The following PLXNB2 variants were observed in gnomAD, a reference collection of about 807,000 sequenced individuals.
PLXNB2 encodes plexin B2, also known as plexin-B2.
A neutral mutation model predicts 202.6 loss-of-function variants in PLXNB2; 85 were observed. The ratio of observed to expected loss-of-function variants is 0.42; its 90% CI spans 0.35 to 0.50. The LOEUF (loss-of-function observed/expected upper bound fraction) is 0.50. Among genes scored for constraint, PLXNB2 ranks in the 20% least tolerant of loss-of-function variants. PLXNB2 has a pLI of 0.02. For synonymous variants in PLXNB2, 1,239 were observed against 1,137.6 expected, an observed-to-expected ratio of 1.09 and a Z score of -1.79; for missense variants, 2,063 against 2,586.2, an observed-to-expected ratio of 0.80 and a Z score of 4.39.
chr22:50,302,536 C>A (rs1023241190), intron 1 of PLXNB2, among the ~76,000 whole-genome samples: 1 of 152,132 alleles, frequency 6.6e-6, no homozygotes, highest in Non-Finnish European at 1.5e-5. Flanking sequence ...GACCCTCCAG[C>A]GAGCTTTGCT....
chr22:50,280,104 C>A (rs1345695274), intron 25 of PLXNB2, 33 bp from the exon 26 acceptor site: 2 of 1,537,850 alleles, frequency 1.3e-6, no homozygotes, highest in Non-Finnish European at 8.8e-7. Flanking sequence ...TACCGAGTGA[C>A]CCCGTAGTAT....
At chr22:50,296,218 A>ACC (rs2067253616) in intron 1 of PLXNB2, among the ~76,000 whole-genome samples, 1 of 148,136 alleles carries the variant, frequency 6.8e-6, no homozygotes, top group African/African-American at 2.6e-5. Flanking sequence ...ACACACACAC[A>ACC]CACACACACA....
intron 35 of PLXNB2, 118 bp downstream of exon 35, chr22:50,276,511 C>T: frequency 2.2e-6 from 2 of 897,972 alleles, no homozygotes; most frequent in South Asian, 2.8e-5. Context: ...CGAGGTCCCG[C>T]CCCACCCTCT....
intron 15 of PLXNB2, 73 bp downstream of exon 15, chr22:50,283,529 C>A (rs895118537): frequency 2.6e-6 from 4 of 1,566,388 alleles, no homozygotes; most frequent in Non-Finnish European, 3.5e-6. Context: ...CCTCCCCACC[C>A]ACCCAGTCAC....
In PLXNB2 at chr22:50,281,956, C is replaced by A; in HGVS notation, c.3243G>T (p.Leu1081=). The A allele has an allele frequency of 6.2e-7, 1 of 1,613,104 alleles. No individual in the cohort carries two copies. Among genetic ancestry groups the A allele is most frequent in the Non-Finnish European group, 8.5e-7 (1 of 1,179,978 alleles). The part of the protein sequence containing the change: ...VLIEMDGHRA[L]LRTEAGAFEY... The stretch of plus-strand genomic sequence containing the variant: ...CGAAGGCCCCGGCCTCTGTTCTGAG[C>A]AGGGCACGGTGCCCGTCCATCTCGA... Residue 1081 remains leucine, a synonymous_variant, in exon 20 of 37, where the codon CTG becomes CTT. Coordinates refer to ENST00000359337, the MANE Select transcript of PLXNB2 (RefSeq NM_012401.4).
intron 2 of PLXNB2, among the ~76,000 whole-genome samples, 161 bp from the exon 3 acceptor site, chr22:50,290,758 G>A (rs1433359619): frequency 2.0e-5 from 3 of 152,142 alleles, no homozygotes; most frequent in Non-Finnish European, 4.4e-5. Flanking sequence ...TCACACCCCC[G>A]CCATCCTCGA....
At position 50,283,109 on chromosome 22, in the gene PLXNB2, G is replaced by C. The variant is rs2066138586; in HGVS notation, c.2757C>G (p.His919Gln). 2 of 1,604,358 alleles carry C rather than the reference G, an allele frequency of 1.2e-6. No homozygotes were observed. The highest frequency in any genetic ancestry group is 1.7e-6 in the Non-Finnish European group (2 of 1,176,298). Residue 919 changes from histidine (H) to glutamine (Q), a missense_variant, in exon 17 of 37, where the codon CAC becomes CAG. This residue lies in a region of PLXNB2 where 1,303 missense variants were observed against 1,476.8 expected (regional missense o/e 0.88). Coordinates refer to ENST00000359337, the MANE Select transcript of PLXNB2 (RefSeq NM_012401.4). ...CGTCCTCCTGGGAGCCCGTGTCCAG[G>C]TGGGTGCCGTGGATGGTCAGTGTGG... ...GGTTLTIHGTHLDTGSQEDVR... is the reference protein window; with the variant it reads ...GGTTLTIHGTQLDTGSQEDVR...
At position 50,281,805 on chromosome 22, in the gene PLXNB2, A is replaced by C. The variant is rs1029264902; in HGVS notation, c.3345+49T>G. The C allele has an allele frequency of 1.0e-5, 16 of 1,581,718 alleles. No homozygotes were observed. The Middle Eastern group carries it at 6.7e-4, about 67-fold the overall frequency. ...ACCAGGGACAGGTGGACCAGCTCTC[A>C]GCCCAGACCCGAGCAGGACCCAGAC... On this transcript the variant is annotated intron_variant, in intron 20 of 36. Transcript: ENST00000359337.
In PLXNB2 at chr22:50,284,626, T is replaced by G; in HGVS notation, c.2128A>C (p.Met710Leu). 1 of 1,611,848 alleles carries G rather than the reference T, an allele frequency of 6.2e-7. No homozygotes were observed. Among genetic ancestry groups the G allele is most frequent in the East Asian group, 2.2e-5 (1 of 44,708 alleles). ...GATTCCTGCATGGTCACCGGCTCCATGAACTTGAGCAAGTCACTGCCCACG... is the reference window on the plus strand; with the variant it reads ...GATTCCTGCATGGTCACCGGCTCCAGGAACTTGAGCAAGTCACTGCCCACG... Reference protein sequence around the residue: ...LHVGSDLLKFMEPVTMQESGT... With the variant: ...LHVGSDLLKFLEPVTMQESGT... The change falls in exon 12 of 37, where the codon ATG (methionine) becomes CTG (leucine). Residue 710 changes from methionine to leucine, a missense_variant. Transcript: ENST00000359337. The surrounding 1 kb of genome is among the most constrained non-coding windows in gnomAD (Gnocchi z 8.0).
chr22:50,301,535 G>T, intron 1 of PLXNB2: 1 of 346,704 alleles, frequency 2.9e-6, no homozygotes, highest in Non-Finnish European at 4.1e-6. Flanking sequence ...AGTCTCTCCT[G>T]AAAGGAGGCC....
rs2066267955 is a variant in PLXNB2, at chr22:50,284,438, A to G, written c.2181+135T>C. On this transcript the variant is annotated intron_variant, in intron 12 of 36. Coordinates refer to ENST00000359337, the MANE Select transcript of PLXNB2 (RefSeq NM_012401.4). The surrounding 1 kb of genome is among the most constrained non-coding windows in gnomAD (Gnocchi z 8.0). The stretch of plus-strand genomic sequence containing the variant: ...GGGGGCTTCCCCAGCAGCACAGGGC[A>G]TGGCGAGCCCCTGGCTGGGCTCTGG... 3 of 752,686 alleles carry G rather than the reference A, an allele frequency of 4.0e-6. No individual in the cohort carries two copies. Among genetic ancestry groups the G allele is most frequent in the East Asian group, 5.4e-5 (2 of 37,364 alleles). 46.6% of individuals were successfully genotyped at this position (752,686 alleles called of 1,614,324 possible).
chr22:50,276,029 G>C lies in PLXNB2; in HGVS notation c.5338-66C>G. 4 of 1,479,920 alleles carry C rather than the reference G, an allele frequency of 2.7e-6. No homozygotes were observed. In the South Asian group the frequency reaches 3.4e-5, roughly 13 times the overall value. The allele number at this position is 1,479,920 out of a possible 1,614,324, so 91.7% of individuals were successfully genotyped here. On this transcript the variant is annotated intron_variant, in intron 35 of 36. Coordinates refer to ENST00000359337, the MANE Select transcript of PLXNB2 (RefSeq NM_012401.4). Reference sequence around the variant, plus strand: ...GGGAGCCCCAGGGCTGGCAGGAGTAGTACGGGACGCCCAGGACGAGGCCTC... The same window carrying C: ...GGGAGCCCCAGGGCTGGCAGGAGTACTACGGGACGCCCAGGACGAGGCCTC...
chr22:50,285,976 C>T lies in PLXNB2; in HGVS notation c.1986+14G>A. On this transcript the variant is annotated intron_variant, in intron 10 of 36. Transcript: ENST00000359337. ...ATGCCCTGAACAGTCCCCTGAGGCCCCGAGGCCCCTCACCATGTGGGCACG... is the reference window on the plus strand; with the variant it reads ...ATGCCCTGAACAGTCCCCTGAGGCCTCGAGGCCCCTCACCATGTGGGCACG... The T allele has an allele frequency of 6.2e-7, 1 of 1,611,020 alleles. No individual in the cohort carries two copies. The highest frequency in any genetic ancestry group is 1.1e-5 in the South Asian group (1 of 91,038).
chr22:50,295,460 C>A (rs1214213093), intron 1 of PLXNB2, among the ~76,000 whole-genome samples: 2 of 152,116 alleles, frequency 1.3e-5, no homozygotes, highest in Non-Finnish European at 2.9e-5. Context: ...GGTGAGCTAC[C>A]CCCAGAGGTT....
chr22:50,284,660 G>A lies in PLXNB2; in HGVS notation c.2094C>T (p.Ser698=), dbSNP rs1419709076. 1.2e-6 allele frequency: 2 copies of A among 1,610,650 alleles called. No homozygotes were observed. Among genetic ancestry groups the A allele is most frequent in the Non-Finnish European group, 1.7e-6 (2 of 1,177,844 alleles). ...QGKNLDTVKG[S]SLHVGSDLLK... ...GCAAGTCACTGCCCACGTGCAGGGA[G>A]GAACCCTGCAGACCATGCCGTCAGG... Residue 698 remains serine (S), a synonymous_variant, in exon 12 of 37, where the codon TCC becomes TCT. Coordinates refer to ENST00000359337, the MANE Select transcript of PLXNB2 (RefSeq NM_012401.4). This position sits in a 1 kb window ranked among gnomAD's most constrained non-coding sequence, Gnocchi z 8.0.
At chr22:50,290,912 A>G (rs548469517) in intron 2 of PLXNB2, among the ~76,000 whole-genome samples, 2 of 152,096 alleles carry the variant, frequency 1.3e-5, no homozygotes, top group African/African-American at 4.8e-5. Flanking sequence ...CAAGGAGTTG[A>G]CGCCCCCAGA....
At position 50,291,270 on chromosome 22, in the gene PLXNB2, C is replaced by T. The variant is rs752971246; in HGVS notation, c.-13-673G>A. ...ACAGCTCCTCGCTCGGCCCATGTCA[C>T]GCCCAGGGCACAGCCTCTGATGTGC... is the stretch of plus-strand genomic sequence containing the variant. On this transcript the variant is annotated intron_variant, in intron 2 of 36. Transcript: ENST00000359337. The surrounding 1 kb of genome is among the most constrained non-coding windows in gnomAD (Gnocchi z 4.3). Among the ~76,000 whole-genome samples, 4 of 152,218 alleles carry T rather than the reference C, an allele frequency of 2.6e-5. No individual in the cohort carries two copies. Among genetic ancestry groups the T allele is most frequent in the African/African-American group, 7.2e-5 (3 of 41,458 alleles).
chr22:50,286,554 T>C (rs1028769320), intron 8 of PLXNB2, among the ~76,000 whole-genome samples: 1 of 152,202 alleles, frequency 6.6e-6, no homozygotes, highest in African/African-American at 2.4e-5. Flanking sequence ...GCACCGGGCT[T>C]GCCTTTCTCC....
rs747599978 is a variant in PLXNB2 at position 50,282,304 on chromosome 22, G to A, written c.2997C>T (p.Arg999=). Residue 999 remains arginine, a synonymous_variant, in exon 19 of 37, where the codon CGC becomes CGT. Coordinates refer to ENST00000359337, the MANE Select transcript of PLXNB2 (RefSeq NM_012401.4). The stretch of plus-strand genomic sequence containing the variant: ...AGCCCTGACCCGTGACGTTGATGCT[G>A]CGGCCACCACTGCGGAGGGCAGTGC... ...EPLRSFASGG[R]SINVTGQGFS... 7.2e-5 allele frequency: 116 copies of A among 1,609,676 alleles called. No homozygotes were observed. The Admixed American group carries it at 1.9e-3, about 27-fold the overall frequency.
Sources: allele counts gnomAD v4.1 joint callset (sites outside exome capture counted in the v4.1 genomes callset), GRCh38; gene constraint gnomAD v4.1.1; regional missense constraint gnomAD v4.1.1; non-coding constraint Gnocchi (gnomAD v3.1); transcripts MANE v1.5; gene names NCBI Gene and HGNC (gene_info 2026-07-23, HGNC 2026-07-21).